Variants in KIRREL3 observed in about 807,000 individuals in gnomAD.
The protein encoded by KIRREL3 is kirre like nephrin family adhesion molecule 3.
In KIRREL3, 36 loss-of-function variants were observed where a neutral mutation model predicts 89.7. The observed-to-expected ratio is 0.40, with a 90% CI of 0.31 to 0.53. The LOEUF is 0.53. Among genes scored for constraint, KIRREL3 ranks in the 20% least tolerant of loss-of-function variants. The pLI, the probability that KIRREL3 is intolerant of heterozygous loss-of-function variation, is 0.49. For synonymous variants in KIRREL3, 445 were observed against 441.4 expected, an observed-to-expected ratio of 1.01 and a Z score of -0.10; for missense variants, 864 against 1,056.6, an observed-to-expected ratio of 0.82 and a Z score of 2.53.
chr11:126,758,399 C>T (rs1451187329), intron 1 of KIRREL3, among the ~76,000 whole-genome samples: 1 of 152,162 alleles, frequency 6.6e-6, no homozygotes. Flanking sequence ...TATTTGCCAA[C>T]CATTTGAAGA....
intron 1 of KIRREL3, among the ~76,000 whole-genome samples, chr11:126,786,302 G>C (rs888258652): frequency 6.6e-6 from 1 of 152,180 alleles, no homozygotes. Context: ...GAAATTCACC[G>C]AAATGCTAAT....
Position 126,626,051 on chromosome 11 carries a change from A to G in KIRREL3, c.56-63139T>C, listed in dbSNP as rs567545701. 2.1e-4 allele frequency among the ~76,000 whole-genome samples: 32 copies of G among 152,352 alleles called. No homozygotes were observed. In the South Asian group the frequency reaches 4.1e-3, roughly 20 times the overall value. ...CTACATAAGTTTATTCACTGAATGG[A>G]TGAATGGATTCTGGAATCAGAACCC... On this transcript the variant is annotated intron_variant, in intron 1 of 16. Transcript: ENST00000525144.
chr11:126,851,037 C>T (rs2134563921), intron 1 of KIRREL3, among the ~76,000 whole-genome samples: 1 of 152,340 alleles, frequency 6.6e-6, no homozygotes, highest in South Asian at 2.1e-4. Flanking sequence ...CCACCTGGGT[C>T]TCACTAGGCA....
At chr11:126,440,650 A>G (rs1173089788) in intron 10 of KIRREL3, 101 bp from the exon 11 acceptor site, 2 of 1,081,862 alleles carry the variant, frequency 1.8e-6, no homozygotes, top group African/African-American at 1.6e-5. Context: ...CCAAGCATTC[A>G]GCAAACATTT....
At chr11:126,855,875 C>T (rs547431793) in intron 1 of KIRREL3, among the ~76,000 whole-genome samples, 1 of 152,168 alleles carries the variant, frequency 6.6e-6, no homozygotes, top group African/African-American at 2.4e-5. Context: ...TGGACCTGGT[C>T]TAGGCTGTGG....
rs1938603376 is a variant in KIRREL3 at position 126,544,210 on chromosome 11, G to A, written c.134-17523C>T. Reference sequence around the variant, plus strand: ...GGTAACATGCGGCATCTTGGGGAGAGCATTCATGTCTGTAATTAGTTACTG... The same window carrying A: ...GGTAACATGCGGCATCTTGGGGAGAACATTCATGTCTGTAATTAGTTACTG... On this transcript the variant is annotated intron_variant, in intron 2 of 16. Coordinates refer to ENST00000525144, the MANE Select transcript of KIRREL3 (RefSeq NM_032531.4). This position sits in a 1 kb window ranked among gnomAD's most constrained non-coding sequence, Gnocchi z 5.6. 6.6e-6 allele frequency: 1 copy of A among 152,228 alleles called. No individual in the cohort carries two copies. Among genetic ancestry groups the A allele is most frequent in the East Asian group, 1.9e-4 (1 of 5,196 alleles). 9.4% of individuals were successfully genotyped at this position (152,228 alleles called of 1,614,324 possible).
rs1448278674 is a variant in KIRREL3, at chr11:126,704,025, C to A, written c.56-141113G>T. Among the ~76,000 whole-genome samples the A allele has an allele frequency of 1.3e-5, 2 of 152,196 alleles. No homozygotes were observed. Among genetic ancestry groups the A allele is most frequent in the South Asian group, 4.1e-4 (2 of 4,832 alleles). ...CCCATCTTTTCAGAGATGTTGCTACCAGAATCATTCCCCCCTTCTCTTATT... is the reference window on the plus strand; with the variant it reads ...CCCATCTTTTCAGAGATGTTGCTACAAGAATCATTCCCCCCTTCTCTTATT... On this transcript the variant is annotated intron_variant, in intron 1 of 16. Transcript: ENST00000525144. This position sits in a 1 kb window ranked among gnomAD's most constrained non-coding sequence, Gnocchi z 4.2.
Position 126,778,507 on chromosome 11 carries a change from T to A in KIRREL3, c.56-215595A>T, listed in dbSNP as rs1480761684. On this transcript the variant is annotated intron_variant, in intron 1 of 16. Coordinates refer to ENST00000525144, the MANE Select transcript of KIRREL3 (RefSeq NM_032531.4). This position sits in a 1 kb window ranked among gnomAD's most constrained non-coding sequence, Gnocchi z 4.5. ...AAGCCAATCCTCAATTGTTGGAATT[T>A]GTATTACTTTTATGTTTTTGCTATA... 6.6e-6 allele frequency among the ~76,000 whole-genome samples: 1 copy of A among 152,268 alleles called. No homozygotes were observed. Among genetic ancestry groups the A allele is most frequent in the Non-Finnish European group, 1.5e-5 (1 of 68,048 alleles).
At chr11:126,847,131 C>A (rs149776966) in intron 1 of KIRREL3, among the ~76,000 whole-genome samples, 45 of 151,974 alleles carry the variant, frequency 3.0e-4, no homozygotes, top group African/African-American at 9.9e-4. Flanking sequence ...AATAGTATAC[C>A]AACGGAAGGG....
chr11:126,839,358 GTGGA>G (rs1219923832), intron 1 of KIRREL3, among the ~76,000 whole-genome samples: 1 of 152,178 alleles, frequency 6.6e-6, no homozygotes, highest in Non-Finnish European at 1.5e-5. Context: ...CATGCAACAC[GTGGA>G]TGAAGATTAT....
chr11:126,799,363 T>TGTGTATCTGTGTGTGCATGC, intron 1 of KIRREL3, among the ~76,000 whole-genome samples: 1 of 138,210 alleles, frequency 7.2e-6, no homozygotes, highest in Non-Finnish European at 1.6e-5. Context: ...TGTGTGTATC[T>TGTGTATCTGTGTGTGCATGC]GTGTATCTGT....
In KIRREL3 at chr11:126,551,229, G is replaced by A. The variant is rs1040953689; in HGVS notation, c.133+11606C>T. ...AGCTCCCGAAACTCAGTCCTTTTGG[G>A]TTTTCATGGAAGCATTCCTTCCCCT... On this transcript the variant is annotated intron_variant, in intron 2 of 16. Coordinates refer to ENST00000525144, the MANE Select transcript of KIRREL3 (RefSeq NM_032531.4). The surrounding 1 kb of genome is among the most constrained non-coding windows in gnomAD (Gnocchi z 4.9). 6.6e-6 allele frequency among the ~76,000 whole-genome samples: 1 copy of A among 152,110 alleles called. No individual in the cohort carries two copies. Among genetic ancestry groups the A allele is most frequent in the South Asian group, 2.1e-4 (1 of 4,818 alleles).
At chr11:126,585,782 G>T (rs1941809984) in intron 1 of KIRREL3, among the ~76,000 whole-genome samples, 1 of 152,204 alleles carries the variant, frequency 6.6e-6, no homozygotes, top group Non-Finnish European at 1.5e-5. Context: ...CACTCTGGGG[G>T]GGCATCTAGC....
rs755151997 is a variant in KIRREL3 at position 126,446,863 on chromosome 11, G to A, written c.1021C>T (p.Pro341Ser). 7 of 1,604,878 alleles carry A rather than the reference G, an allele frequency of 4.4e-6. No individual in the cohort carries two copies. The highest frequency in any genetic ancestry group is 2.2e-5 in the East Asian group (1 of 44,552). ...VYFGPRMTTEPQSLLVDLGSD... is the reference protein window; with the variant it reads ...VYFGPRMTTESQSLLVDLGSD... ...CCCAGATCCACGAGCAAGGATTGGG[G>A]TTCTGTGGTCATCCGGGGCCCAACT... The change falls in exon 9 of 17, where the codon CCC becomes TCC. Residue 341 changes from proline (P) to serine (S), a missense_variant. Physicochemically the swap from Pro to Ser is moderately conservative, Grantham distance 74 (BLOSUM62 -1). Coordinates refer to ENST00000525144, the MANE Select transcript of KIRREL3 (RefSeq NM_032531.4).
Position 126,829,138 on chromosome 11 carries a change from C to T in KIRREL3, c.55+171317G>A, listed in dbSNP as rs146655151. On this transcript the variant is annotated intron_variant, in intron 1 of 16. Coordinates refer to ENST00000525144, the MANE Select transcript of KIRREL3 (RefSeq NM_032531.4). Reference sequence around the variant, plus strand: ...GCTGAGGGGACATCCATGGTGCTGGCGAAGGCTCCAAGGTGGGAAGGAGCA... The same window carrying T: ...GCTGAGGGGACATCCATGGTGCTGGTGAAGGCTCCAAGGTGGGAAGGAGCA... Among the ~76,000 whole-genome samples the T allele has an allele frequency of 2.9e-3, 438 of 152,224 alleles. 2 individuals carry two copies. The highest frequency in any genetic ancestry group is 9.9e-3 in the African/African-American group (411 of 41,526).
At chr11:126,784,206 T>C (rs778412778) in intron 1 of KIRREL3, among the ~76,000 whole-genome samples, 2 of 152,180 alleles carry the variant, frequency 1.3e-5, no homozygotes, top group Non-Finnish European at 2.9e-5. Context: ...ACTAAGGAAA[T>C]GTAAACGAAG....
At chr11:126,631,077 G>A (rs971459180) in intron 1 of KIRREL3, among the ~76,000 whole-genome samples, 6 of 152,086 alleles carry the variant, frequency 3.9e-5, no homozygotes, top group East Asian at 1.9e-4. Flanking sequence ...TAGCTACTTC[G>A]TGTTCCCTCT....
rs1955365213 is a variant in KIRREL3 at position 126,436,935 on chromosome 11, C to T, written c.1428G>A (p.Glu476=). The part of the protein sequence containing the change: ...GRYTVETIST[E]EGVISTLTIS... ...TGGTCAGGGTGGAGATGACGCCCTC[C>T]TCGGTGCTGATGGTCTCCACCGTAT... is the stretch of plus-strand genomic sequence containing the variant. Residue 476 remains glutamate (E), a synonymous_variant, in exon 12 of 17, where the codon GAG becomes GAA. Coordinates refer to ENST00000525144, the MANE Select transcript of KIRREL3 (RefSeq NM_032531.4). The T allele has an allele frequency of 1.2e-6, 2 of 1,612,294 alleles. No homozygotes were observed. The highest frequency in any genetic ancestry group is 1.1e-5 in the South Asian group (1 of 90,818).
At chr11:126,671,439 T>G (rs1945943385) in intron 1 of KIRREL3, among the ~76,000 whole-genome samples, 1 of 152,186 alleles carries the variant, frequency 6.6e-6, no homozygotes, top group South Asian at 2.1e-4. Context: ...TTGGCTTTAT[T>G]AAAATTAAAA....
Sources: gnomAD v4.1 joint callset for allele counts (sites outside exome capture counted in the v4.1 genomes callset) on GRCh38, gnomAD v4.1.1 for gene constraint, Gnocchi (gnomAD v3.1) non-coding constraint, MANE v1.5 for transcripts, NCBI Gene and HGNC (gene_info 2026-07-23, HGNC 2026-07-21) for gene names.